Variants in KPNA7 observed in about 807,000 individuals in gnomAD.
KPNA7 encodes karyopherin subunit alpha 7, also known as importin subunit alpha-8.
Under a neutral mutation model 53.7 loss-of-function variants are expected in KPNA7, and 54 were observed. That is an observed-to-expected ratio of 1.01 (90% CI 0.81 to 1.26). The LOEUF is 1.26. KPNA7 is among the 50% of genes most tolerant of loss of function. KPNA7 has a pLI of 0.00. For synonymous variants in KPNA7, 276 were observed against 259.3 expected (o/e 1.06, Z -0.62); for missense variants, 640 against 644.5 (o/e 0.99, Z 0.07).
At chr7:99,205,950 A>C (rs1563089177) in intron 2 of KPNA7, among the ~76,000 whole-genome samples, 2 of 151,874 alleles carry the variant, frequency 1.3e-5, no homozygotes, top group Non-Finnish European at 2.9e-5. Flanking sequence ...CACAGCACAC[A>C]CCCCCCGTCC....
upstream of KPNA7, among the ~76,000 whole-genome samples, chr7:99,208,383 G>A (rs1267945457): frequency 6.6e-6 from 1 of 152,112 alleles, no homozygotes; most frequent in Non-Finnish European, 1.5e-5. Flanking sequence ...AGCCTCCCGA[G>A]TAGCTGGGAC....
At chr7:99,182,617 G>GA (rs1789325161) in intron 8 of KPNA7, among the ~76,000 whole-genome samples, 1 of 152,062 alleles carries the variant, frequency 6.6e-6, no homozygotes, top group African/African-American at 2.4e-5. Flanking sequence ...TTATAGGCAT[G>GA]AACCCCCTGC....
chr7:99,187,004 C>T (rs1343674765), intron 7 of KPNA7, among the ~76,000 whole-genome samples: 6 of 152,006 alleles, frequency 3.9e-5, no homozygotes, highest in African/African-American at 7.3e-5. Flanking sequence ...CATAGCAAAG[C>T]GGCAGGGCAT....
chr7:99,164,795 G>A, the KPNA7 span, among the ~76,000 whole-genome samples: 1 of 151,980 alleles, frequency 6.6e-6, no homozygotes, highest in Admixed American at 6.6e-5. Flanking sequence ...CCAGCCCCTG[G>A]GTTTAAGATT....
At chr7:99,194,283 G>A (rs566498531) in intron 5 of KPNA7, among the ~76,000 whole-genome samples, 3 of 152,270 alleles carry the variant, frequency 2.0e-5, no homozygotes, top group East Asian at 1.9e-4. Context: ...ATTCAGAAAG[G>A]TAGTCTGAGG....
intron 10 of KPNA7, among the ~76,000 whole-genome samples, chr7:99,176,601 G>A (rs1175251478): frequency 6.6e-6 from 1 of 152,138 alleles, no homozygotes; most frequent in Non-Finnish European, 1.5e-5. Flanking sequence ...TGGGCCAGGT[G>A]CGGTGGCACA....
chr7:99,200,341 G>A (rs1790452188), intron 3 of KPNA7, among the ~76,000 whole-genome samples: 1 of 152,132 alleles, frequency 6.6e-6, no homozygotes, highest in Non-Finnish European at 1.5e-5. Flanking sequence ...CCCGGCATCT[G>A]CTTTTGTCAT....
rs545654865 is a variant in KPNA7 at position 99,188,201 on chromosome 7, A to C, written c.900+99T>G. The C allele has an allele frequency of 1.3e-5, 14 of 1,065,196 alleles. No individual in the cohort carries two copies. The East Asian group carries it at 3.4e-4, about 26-fold the overall frequency. The allele number at this position is 1,065,196 out of a possible 1,614,324, so 66.0% of individuals were successfully genotyped here. A position where few individuals can be genotyped will look rare whatever the true frequency, so the allele number is the denominator to read the frequency against. On this transcript the variant is annotated intron_variant, in intron 7 of 10. Coordinates refer to ENST00000327442, the MANE Select transcript of KPNA7 (RefSeq NM_001145715.3). The stretch of plus-strand genomic sequence containing the variant: ...AAAAAAAAAAAAAAAAAAAAAAAGC[A>C]AAGACCAGGGAAATGCAGATGACAA...
chr7:99,169,074 G>A (rs1798724324), downstream of KPNA7, among the ~76,000 whole-genome samples: 1 of 152,026 alleles, frequency 6.6e-6, no homozygotes. Context: ...TGTAATCCTA[G>A]CTACCCGGGA....
At chr7:99,165,486 T>A in the KPNA7 span, among the ~76,000 whole-genome samples, 1 of 152,056 alleles carries the variant, frequency 6.6e-6, no homozygotes, top group East Asian at 1.9e-4. Flanking sequence ...GGACAGATAA[T>A]CACTGCAGAA....
At chr7:99,172,755 T>C (rs1433059837), downstream of KPNA7, among the ~76,000 whole-genome samples, 1 of 152,002 alleles carries the variant, frequency 6.6e-6, no homozygotes, top group Non-Finnish European at 1.5e-5. Flanking sequence ...AATGATATTG[T>C]ATCTGCAAGT....
Position 99,173,648 on chromosome 7 carries a change from GCTT to G in KPNA7, c.*57_*59del. On this transcript the variant is annotated 3_prime_UTR_variant, in exon 11 of 11. Coordinates refer to ENST00000327442, the MANE Select transcript of KPNA7 (RefSeq NM_001145715.3). ...GGTTACACTAAGATAGAGGACTGCT[GCTT>G]CTTAAAGAAGTTATCCTTTAGCACT... 1 of 1,078,408 alleles carries G rather than the reference GCTT, an allele frequency of 9.3e-7. No individual in the cohort carries two copies. Among genetic ancestry groups the G allele is most frequent in the South Asian group, 1.4e-5 (1 of 69,014 alleles). The allele number at this position is 1,078,408 out of a possible 1,614,324, so 66.8% of individuals were successfully genotyped here.
downstream of KPNA7, among the ~76,000 whole-genome samples, chr7:99,170,358 T>G (rs1172685438): frequency 6.6e-6 from 1 of 151,882 alleles, no homozygotes; most frequent in African/African-American, 2.4e-5. Context: ...ATTAAGTGAC[T>G]GCAGAAATGA....
chr7:99,203,068 T>C (rs1790627851), intron 3 of KPNA7, 38 bp downstream of exon 3: 1 of 1,541,148 alleles, frequency 6.5e-7, no homozygotes, highest in Non-Finnish European at 8.8e-7. Flanking sequence ...GCTAAGAACA[T>C]ATTTTGCCCA....
rs1460647573 is a variant in KPNA7, at chr7:99,187,811, A to T, written c.900+489T>A. ...CGGCCTTTTTTTTTAAAAAAAAAAA[A>T]AAAAAAAAAAAAAAAAAAAAAAAAC... On this transcript the variant is annotated intron_variant, in intron 7 of 10. Transcript: ENST00000327442. Among the ~76,000 whole-genome samples the T allele has an allele frequency of 7.1e-4, 89 of 125,900 alleles. 3 individuals are homozygous for T. The highest frequency in any genetic ancestry group is 8.1e-4 in the Non-Finnish European group (48 of 58,994). 82.6% of individuals were successfully genotyped at this position (125,900 alleles called of 152,430 possible).
rs1345121641 is a variant in KPNA7, at chr7:99,185,043, G to A, written c.1020C>T (p.Ser340=). ...LPQLLQHNKP[S]IQKEAAWALS... ...GGGCCCAGGCTGCCTCCTTCTGGATGGAGGGCTTGTTGTGTTGCAGGAGCT... is the reference window on the plus strand; with the variant it reads ...GGGCCCAGGCTGCCTCCTTCTGGATAGAGGGCTTGTTGTGTTGCAGGAGCT... Residue 340 remains serine (S), a synonymous_variant, in exon 8 of 11, where the codon TCC becomes TCT. Coordinates refer to ENST00000327442, the MANE Select transcript of KPNA7 (RefSeq NM_001145715.3). 1 of 1,551,910 alleles carries A rather than the reference G, an allele frequency of 6.4e-7. No individual in the cohort carries two copies. Among genetic ancestry groups the A allele is most frequent in the Admixed American group, 2.0e-5 (1 of 51,002 alleles).
chr7:99,196,238 C>T, intron 3 of KPNA7, 72 bp from the exon 4 acceptor site: 3 of 1,071,086 alleles, frequency 2.8e-6, no homozygotes, highest in South Asian at 2.7e-5. Context: ...CTCTAGCCAT[C>T]ATCCATCTGA....
Position 99,207,381 on chromosome 7 carries a change from G to C in KPNA7, c.66+20C>G. 1 of 1,547,738 alleles carries C rather than the reference G, an allele frequency of 6.5e-7. No individual in the cohort carries two copies. Among genetic ancestry groups the C allele is most frequent in the South Asian group, 1.2e-5 (1 of 83,966 alleles). On this transcript the variant is annotated intron_variant, in intron 2 of 10. Coordinates refer to ENST00000327442, the MANE Select transcript of KPNA7 (RefSeq NM_001145715.3). ...ATTGCACTGGTCCCCAATAGAAGCA[G>C]GTGGGTGCTTCATACTCACAGACAC...
Position 99,193,012 on chromosome 7 carries a change from C to T in KPNA7, c.636+7G>A. On this transcript the variant is annotated splice_region_variant and intron_variant, in intron 6 of 10. Coordinates refer to ENST00000327442, the MANE Select transcript of KPNA7 (RefSeq NM_001145715.3). ...AAAAAAAAAAAGAGAAAGAAAAAGA[C>T]ACTTACCGGCAGGGTGGGTGAAATC... 1.3e-6 allele frequency: 2 copies of T among 1,482,512 alleles called. No homozygotes were observed. The highest frequency in any genetic ancestry group is 1.8e-4 in the Middle Eastern group (1 of 5,684). 91.8% of individuals were successfully genotyped at this position (1,482,512 alleles called of 1,614,324 possible). A position where few individuals can be genotyped will look rare whatever the true frequency, so the allele number is the denominator to read the frequency against.
Sources: gnomAD v4.1 joint callset for allele counts (sites outside exome capture counted in the v4.1 genomes callset) on GRCh38, gnomAD v4.1.1 for gene constraint, MANE v1.5 for transcripts, NCBI Gene and HGNC (gene_info 2026-07-23, HGNC 2026-07-21) for gene names.